SUCO: variants seen among roughly 807,000 people sequenced by gnomAD.
SUCO encodes SUN domain-containing ossification factor.
SUCO carries 57 observed loss-of-function variants against 148.1 expected under a neutral mutation model. The ratio of observed to expected loss-of-function variants is 0.38; its 90% CI spans 0.31 to 0.48. SUCO has a LOEUF of 0.48. Ranked by LOEUF, SUCO falls within the 20% of genes least tolerant of loss-of-function variation. The pLI is 0.96. For synonymous variants in SUCO, 470 were observed against 502.7 expected (o/e 0.93, Z 0.87); for missense variants, 1,331 against 1,468.2 (o/e 0.91, Z 1.53).
intron 19 of SUCO, among the ~76,000 whole-genome samples, chr1:172,598,219 C>T (rs1657262444): frequency 1.3e-5 from 2 of 152,162 alleles, no homozygotes; most frequent in South Asian, 4.1e-4. Flanking sequence ...CCTTTCTCCA[C>T]AGAATTTCCT....
chr1:172,608,623 A>G (rs1323543215), intron 22 of SUCO, 124 bp from the exon 23 acceptor site: 8 of 752,552 alleles, frequency 1.1e-5, no homozygotes, highest in Non-Finnish European at 1.9e-5. Context: ...ATACAAATTC[A>G]TTGGTTCTAT....
intron 1 of SUCO, among the ~76,000 whole-genome samples, chr1:172,538,088 C>T (rs1272650775): frequency 1.3e-5 from 2 of 152,168 alleles, no homozygotes; most frequent in African/African-American, 4.8e-5. Context: ...AACCACCTGA[C>T]AGAGGATGAG....
upstream of SUCO, chr1:172,532,529 G>GGGC: frequency 6.2e-7 from 1 of 1,613,720 alleles, no homozygotes; most frequent in Non-Finnish European, 8.5e-7. Context: ...TAGCTCAATG[G>GGGC]GGCAGTCCAT....
At chr1:172,593,502 C>T (rs892738118) in intron 19 of SUCO, among the ~76,000 whole-genome samples, 17 of 152,162 alleles carry the variant, frequency 1.1e-4, no homozygotes, top group African/African-American at 3.9e-4. Flanking sequence ...TGAATTTTGT[C>T]AAAGGCCTTT....
Position 172,589,800 on chromosome 1 carries a change from C to T in SUCO, c.2699C>T (p.Ala900Val). ...ELQNSTDLGYANGNLVHGSNQ... is the reference protein window; with the variant it reads ...ELQNSTDLGYVNGNLVHGSNQ... The stretch of plus-strand genomic sequence containing the variant: ...CAAAATTCTACAGATCTAGGATATG[C>T]TAATGGAAATCTTGTACATGGATCA... Residue 900 changes from alanine to valine, a missense_variant, in exon 18 of 24, where the codon GCT (alanine) becomes GTT (valine). This residue lies in a region of SUCO where 992 missense variants were observed against 1,093.5 expected (regional missense o/e 0.91). Coordinates refer to ENST00000263688, the MANE Select transcript of SUCO (RefSeq NM_014283.5). 6.2e-7 allele frequency: 1 copy of T among 1,611,828 alleles called. No individual in the cohort carries two copies. Among genetic ancestry groups the T allele is most frequent in the Non-Finnish European group, 8.5e-7 (1 of 1,179,292 alleles).
chr1:172,569,254 T>C, intron 7 of SUCO, 112 bp downstream of exon 7: 1 of 1,151,658 alleles, frequency 8.7e-7, no homozygotes, highest in South Asian at 2.2e-5. Context: ...TGAAAACTTT[T>C]TAAAGGTGAA....
intron 19 of SUCO, 55 bp downstream of exon 19, chr1:172,591,126 A>AG: frequency 7.5e-7 from 1 of 1,338,140 alleles, no homozygotes; most frequent in South Asian, 1.2e-5. Flanking sequence ...TGAATTCTGT[A>AG]GGGTCTCACT....
chr1:172,547,285 C>A (rs1652934358), intron 1 of SUCO, among the ~76,000 whole-genome samples: 1 of 152,060 alleles, frequency 6.6e-6, no homozygotes, highest in Non-Finnish European at 1.5e-5. Flanking sequence ...TTTATTTATT[C>A]TTCTGTTAGT....
chr1:172,605,496 T>C (rs1657814823), intron 22 of SUCO, among the ~76,000 whole-genome samples: 1 of 151,908 alleles, frequency 6.6e-6, no homozygotes, highest in African/African-American at 2.4e-5. Flanking sequence ...CTCTGTGTTC[T>C]TTATTTTGTG....
intron 1 of SUCO, chr1:172,542,783 C>T: frequency 3.0e-6 from 3 of 985,162 alleles, no homozygotes; most frequent in South Asian, 4.7e-5. Context: ...AAGAAAGGTG[C>T]CAAGCATAGT....
In SUCO at chr1:172,570,148, C is replaced by A; in HGVS notation, c.958C>A (p.Leu320Ile). 1 of 1,584,928 alleles carries A rather than the reference C, an allele frequency of 6.3e-7. No individual in the cohort carries two copies. The highest frequency in any genetic ancestry group is 8.6e-7 in the Non-Finnish European group (1 of 1,164,354). Reference protein sequence around the residue: ...YASVECGAKILAANPEAKSTS... With the variant: ...YASVECGAKIIAANPEAKSTS... ...CTCAGTAGAATGTGGTGCCAAAATT[C>A]TAGCAGCTAATCCAGAAGCCAAGGT... Residue 320 changes from leucine to isoleucine, a missense_variant, in exon 8 of 24, where the codon CTA becomes ATA. By Grantham distance (5) the Leu-to-Ile change is conservative. Coordinates refer to ENST00000263688, the MANE Select transcript of SUCO (RefSeq NM_014283.5).
chr1:172,580,862 G>A (rs918633885), intron 15 of SUCO, among the ~76,000 whole-genome samples: 1 of 152,146 alleles, frequency 6.6e-6, no homozygotes, highest in Non-Finnish European at 1.5e-5. Context: ...AGTACTTTGG[G>A]AGGCCTAGAT....
At chr1:172,532,496 C>A (rs777518209), upstream of SUCO, 1 of 1,613,370 alleles carries the variant, frequency 6.2e-7, no homozygotes, top group African/African-American at 1.3e-5. Context: ...TGGCACGCCC[C>A]TTTCTATCTA....
intron 19 of SUCO, among the ~76,000 whole-genome samples, chr1:172,592,235 ACT>A (rs1214384503): frequency 1.3e-5 from 2 of 151,906 alleles, no homozygotes; most frequent in Non-Finnish European, 2.9e-5. Context: ...TTGCCTGTTC[ACT>A]CTGATGGTAG....
upstream of SUCO, chr1:172,533,117 C>T: frequency 7.0e-7 from 1 of 1,431,460 alleles, no homozygotes. Context: ...TCGCTGGCCT[C>T]ACGGAGCAAG....
At chr1:172,588,587 G>A (rs1186788718) in intron 17 of SUCO, 173 bp from the exon 18 acceptor site, 2 of 984,966 alleles carry the variant, frequency 2.0e-6, no homozygotes, top group Non-Finnish European at 2.4e-6. Context: ...TTTCTGAGCA[G>A]TATTTGTTTT....
rs200810225 is a variant in SUCO, at chr1:172,610,086, G to C, written c.3592G>C (p.Glu1198Gln). The change falls in exon 24 of 24, where the codon GAG (glutamate) becomes CAG (glutamine). Residue 1198 changes from glutamate (E) to glutamine (Q), a missense_variant. Glu to Gln is a conservative substitution (Grantham distance 29). Transcript: ENST00000263688. ...CNGQSQKTKT[E>Q]KRALKRRRSK... is the part of the protein sequence containing the mutation. ...TGGACAGTCTCAAAAGACAAAAACT[G>C]AGAAGAGGGCTTTAAAACGAAGACG... 1 of 1,613,866 alleles carries C rather than the reference G, an allele frequency of 6.2e-7. No individual in the cohort carries two copies. Among genetic ancestry groups the C allele is most frequent in the South Asian group, 1.1e-5 (1 of 91,064 alleles).
chr1:172,548,552 A>G (rs1653038658), intron 1 of SUCO, among the ~76,000 whole-genome samples: 2 of 152,000 alleles, frequency 1.3e-5, no homozygotes, highest in Admixed American at 1.3e-4. Flanking sequence ...CTATTGTCTT[A>G]TCTACATCCC....
rs375914604 is a variant in SUCO at position 172,556,015 on chromosome 1, A to G, written c.435A>G (p.Ser145=). Residue 145 remains serine, a synonymous_variant, in exon 4 of 24, where the codon TCA becomes TCG. Coordinates refer to ENST00000263688, the MANE Select transcript of SUCO (RefSeq NM_014283.5). ...CTACCTCAGAAATCACTCCAATCTC[A>G]AAGCTTGAGTAAGTTGTTACAAAAA... ...SSSTSEITPI[S]KLDEIEKSGT... 15 of 1,608,038 alleles carry G rather than the reference A, an allele frequency of 9.3e-6. No individual in the cohort carries two copies. The highest frequency in any genetic ancestry group is 1.1e-5 in the Non-Finnish European group (13 of 1,176,120).
Sources: allele counts gnomAD v4.1 joint callset (sites outside exome capture counted in the v4.1 genomes callset), GRCh38; gene constraint gnomAD v4.1.1; regional missense constraint gnomAD v4.1.1; transcripts MANE v1.5; gene names NCBI Gene and HGNC (gene_info 2026-07-23, HGNC 2026-07-21).